BBS1: variants seen among roughly 807,000 people sequenced by gnomAD.
BBS1 encodes BBSome complex member BBS1.
Under a neutral mutation model 73.9 loss-of-function variants are expected in BBS1, and 60 were observed. The ratio of observed to expected loss-of-function variants is 0.81; its 90% CI spans 0.66 to 1.01. BBS1 has a LOEUF of 1.01. BBS1 is among the 50% of genes least tolerant of loss of function. The probability of loss-of-function intolerance (pLI) is 0.00; values close to 1 mark genes in which losing one functional copy is unlikely to be tolerated. For synonymous variants in BBS1, 283 were observed against 317.4 expected, an observed-to-expected ratio of 0.89 and a Z score of 1.15; for missense variants, 718 against 770.3, an observed-to-expected ratio of 0.93 and a Z score of 0.80.
rs747974235 is a variant in BBS1, at chr11:66,526,853, C to T, written c.1339+46C>T. The stretch of plus-strand genomic sequence containing the variant: ...TTTCCCTTCTTCCTCCTCCACTGCT[C>T]CTACACAGCAAAGCTGGGGGAATGC... On this transcript the variant is annotated intron_variant, in intron 13 of 16. Transcript: ENST00000318312. The T allele has an allele frequency of 6.8e-6, 11 of 1,614,090 alleles. No individual in the cohort carries two copies. The African/African-American group carries it at 1.5e-4, about 22-fold the overall frequency.
chr11:66,515,941 C>G lies in BBS1; in HGVS notation c.591+8C>G. On this transcript the variant is annotated splice_region_variant and intron_variant, in intron 7 of 16. Transcript: ENST00000318312. ...AACTCCATCAAGCGGCAGGTAATAC[C>G]CCCTTCTCTTTTTATTTCCCTGTAA... 1.2e-6 allele frequency: 2 copies of G among 1,613,716 alleles called. No individual in the cohort carries two copies. Among genetic ancestry groups the G allele is most frequent in the Non-Finnish European group, 1.7e-6 (2 of 1,179,788 alleles).
intron 8 of BBS1, 154 bp downstream of exon 8, chr11:66,519,902 G>T: frequency 2.1e-6 from 2 of 936,108 alleles, no homozygotes; most frequent in Non-Finnish European, 3.2e-6. Context: ...AAATCCTACC[G>T]CCTATGGATG....
chr11:66,522,651 T>C (rs969876275), intron 9 of BBS1, among the ~76,000 whole-genome samples: 3 of 152,174 alleles, frequency 2.0e-5, no homozygotes, highest in African/African-American at 7.2e-5. Context: ...CGGCCTAACA[T>C]GCATTTTTTT....
At chr11:66,515,422 G>A in intron 4 of BBS1, 118 bp from the exon 5 acceptor site, 1 of 1,079,452 alleles carries the variant, frequency 9.3e-7, no homozygotes, top group South Asian at 1.3e-5. Context: ...GCAGAGGTAG[G>A]CTGGCAGGGA....
rs764165386 is a variant in BBS1, at chr11:66,519,671, G to C, written c.646G>C (p.Val216Leu). Residue 216 changes from valine (V) to leucine (L), a missense_variant, in exon 8 of 17, where the codon GTG becomes CTG. Val to Leu is a conservative substitution (Grantham distance 32, BLOSUM62 1). Coordinates refer to ENST00000318312, the MANE Select transcript of BBS1 (RefSeq NM_024649.5). ...LKKNLADEDAVSCLVLGTENK... is the reference protein window; with the variant it reads ...LKKNLADEDALSCLVLGTENK... ...GAAGAACCTGGCTGACGAGGATGCT[G>C]TGTCTTGCCTGGTGCTGGGCACCGA... 6.2e-7 allele frequency: 1 copy of C among 1,613,930 alleles called. No homozygotes were observed. Among genetic ancestry groups the C allele is most frequent in the South Asian group, 1.1e-5 (1 of 91,072 alleles).
intron 9 of BBS1, chr11:66,522,977 G>A (rs1294630223): frequency 1.6e-5 from 6 of 365,754 alleles, no homozygotes; most frequent in East Asian, 7.3e-5. Context: ...AGACATTGGC[G>A]TGTGCTCCTC....
In BBS1 at chr11:66,514,541, C is replaced by A. The variant is rs759486291; in HGVS notation, c.295C>A (p.Pro99Thr). Residue 99 changes from proline to threonine, a missense_variant, in exon 4 of 17, where the codon CCC becomes ACC. By Grantham distance (38) the Pro-to-Thr change is conservative (BLOSUM62 -1). Coordinates refer to ENST00000318312, the MANE Select transcript of BBS1 (RefSeq NM_024649.5). ...CACCTTCCTCATGGAGCAACATGAGCCCCGGACCCCAGCTCTGGCACTTGC... is the reference window on the plus strand; with the variant it reads ...CACCTTCCTCATGGAGCAACATGAGACCCGGACCCCAGCTCTGGCACTTGC... ...AATFLMEQHE[P>T]RTPALALASG... is the part of the protein sequence containing the mutation. 1.9e-6 allele frequency: 3 copies of A among 1,614,040 alleles called. No individual in the cohort carries two copies. The African/African-American group carries it at 4.0e-5, about 22-fold the overall frequency.
chr11:66,523,775 C>T lies in BBS1; in HGVS notation c.1003C>T (p.Leu335Phe), dbSNP rs776855360. Residue 335 changes from leucine (L) to phenylalanine (F), a missense_variant, in exon 11 of 17, where the codon CTC becomes TTC. Coordinates refer to ENST00000318312, the MANE Select transcript of BBS1 (RefSeq NM_024649.5). ...GCCCGCAGCCATCCTGACCATGAAC[C>T]TCCTGGAGCAGCATTCCCGGGGCCT... ...QMPAAILTMN[L>F]LEQHSRGLQA... 1 of 1,613,298 alleles carries T rather than the reference C, an allele frequency of 6.2e-7. No homozygotes were observed. Among genetic ancestry groups the T allele is most frequent in the African/African-American group, 1.3e-5 (1 of 75,062 alleles).
intron 4 of BBS1, among the ~76,000 whole-genome samples, chr11:66,515,167 C>G (rs564078400): frequency 1.3e-5 from 2 of 152,244 alleles, no homozygotes; most frequent in African/African-American, 4.8e-5. Flanking sequence ...CTCAGCATGG[C>G]TCCCAGAGAG....
At chr11:66,517,495 G>A (rs1856076473) in intron 7 of BBS1, among the ~76,000 whole-genome samples, 1 of 145,418 alleles carries the variant, frequency 6.9e-6, no homozygotes, top group South Asian at 2.2e-4. Flanking sequence ...TGGAGACAGA[G>A]TCTGGCTCTG....
intron 14 of BBS1, 139 bp downstream of exon 14, chr11:66,530,091 C>CTCGGTCCCCAGGT: frequency 2.4e-6 from 3 of 1,255,834 alleles, no homozygotes; most frequent in Non-Finnish European, 3.3e-6. Flanking sequence ...TTCCCGCAGA[C>CTCGGTCCCCAGGT]CTGGGGACCG....
Position 66,526,101 on chromosome 11 carries a change from A to T in BBS1, c.1111-22A>T, listed in dbSNP as rs1179448106. 3.1e-6 allele frequency: 5 copies of T among 1,613,414 alleles called. No individual in the cohort carries two copies. In the Admixed American group the frequency reaches 8.3e-5, roughly 27 times the overall value. ...TCCTCTCCAAGATATTTCCCCAACTAAACTCTGACGTCTCCACATAGGATG... is the reference window on the plus strand; with the variant it reads ...TCCTCTCCAAGATATTTCCCCAACTTAACTCTGACGTCTCCACATAGGATG... On this transcript the variant is annotated intron_variant, in intron 11 of 16. Coordinates refer to ENST00000318312, the MANE Select transcript of BBS1 (RefSeq NM_024649.5).
intron 7 of BBS1, among the ~76,000 whole-genome samples, chr11:66,517,024 C>G (rs577853790): frequency 7.6e-4 from 115 of 152,038 alleles, no homozygotes; most frequent in African/African-American, 2.7e-3. Context: ...ATGGTGAAAC[C>G]CTGTCTCTAC....
rs1012104896 is a variant in BBS1 at position 66,532,339 on chromosome 11, C to T, written c.*302C>T. 2.7e-5 allele frequency: 12 copies of T among 446,220 alleles called. No homozygotes were observed. Among genetic ancestry groups the T allele is most frequent in the Admixed American group, 6.9e-5 (2 of 28,908 alleles). 27.6% of individuals were successfully genotyped at this position (446,220 alleles called of 1,614,324 possible). On this transcript the variant is annotated 3_prime_UTR_variant, in exon 17 of 17. Coordinates refer to ENST00000318312, the MANE Select transcript of BBS1 (RefSeq NM_024649.5). ...CTGGGCTCAGATCAGAGCTCCGAAG[C>T]GGTCAAAGTGAGCTGAGCAGGACAG...
At position 66,531,025 on chromosome 11, in the gene BBS1, C is replaced by G; in HGVS notation, c.1605C>G (p.Phe535Leu). Residue 535 changes from phenylalanine to leucine, a missense_variant, in exon 15 of 17, where the codon TTC becomes TTG. Phe to Leu is a conservative substitution (Grantham distance 22, BLOSUM62 0). Coordinates refer to ENST00000318312, the MANE Select transcript of BBS1 (RefSeq NM_024649.5). ...TCTATTCCCTGCCCCGGGCCTTCTTCAAGGTACTGGATGCTCCTCACTTAG... is the reference window on the plus strand; with the variant it reads ...TCTATTCCCTGCCCCGGGCCTTCTTGAAGGTACTGGATGCTCCTCACTTAG... ...EALYSLPRAF[F>L]KVPLLVPGLN... is the part of the protein sequence containing the mutation. 6.2e-7 allele frequency: 1 copy of G among 1,614,196 alleles called. No homozygotes were observed. Among genetic ancestry groups the G allele is most frequent in the Admixed American group, 1.7e-5 (1 of 60,018 alleles).
intron 7 of BBS1, among the ~76,000 whole-genome samples, chr11:66,517,572 A>G (rs571471323): frequency 2.0e-5 from 3 of 149,042 alleles, no homozygotes; most frequent in Non-Finnish European, 4.4e-5. Flanking sequence ...GGTTCAAGCT[A>G]TTCTCCTGCC....
At chr11:66,521,560 GC>G in intron 9 of BBS1, 184 bp downstream of exon 9, 1 of 648,232 alleles carries the variant, frequency 1.5e-6, no homozygotes, top group South Asian at 1.7e-5. Context: ...TGAGATAGGG[GC>G]TGGCACAGTG....
chr11:66,525,629 A>C (rs1053600235), intron 11 of BBS1, among the ~76,000 whole-genome samples: 2 of 152,348 alleles, frequency 1.3e-5, no homozygotes, highest in African/African-American at 4.8e-5. Context: ...TCACAGTATA[A>C]AATTTGCAAA....
intron 11 of BBS1, 188 bp downstream of exon 11, chr11:66,524,070 A>C: frequency 1.2e-6 from 1 of 817,314 alleles, no homozygotes; most frequent in African/African-American, 1.7e-5. Context: ...ACCTGAGGTA[A>C]GGAGTTCAAA....
Sources: gnomAD v4.1 joint callset for allele counts (sites outside exome capture counted in the v4.1 genomes callset) on GRCh38, gnomAD v4.1.1 for gene constraint, MANE v1.5 for transcripts, NCBI Gene and HGNC (gene_info 2026-07-23, HGNC 2026-07-21) for gene names.